Variants in SPINK1 observed in about 807,000 individuals in gnomAD.
SPINK1 encodes the protein serine protease inhibitor Kazal-type 1.
In SPINK1, 5 loss-of-function variants were observed where a neutral mutation model predicts 9.5. That is an observed-to-expected ratio of 0.52 (90% CI 0.27 to 1.10). SPINK1 has a LOEUF of 1.10. Ranked by LOEUF, SPINK1 falls within the 50% of genes least tolerant of loss-of-function variation. SPINK1 has a pLI of 0.11. For missense variants in SPINK1, 88 were observed against 92.7 expected, an observed-to-expected ratio of 0.95 and a Z score of 0.21; for synonymous variants, 37 against 32.3, an observed-to-expected ratio of 1.14 and a Z score of -0.49.
chr5:147,824,751 A>T (rs150745269), intron 3 of SPINK1, 45 bp from the exon 4 acceptor site: 1 of 1,576,928 alleles, frequency 6.3e-7, no homozygotes, highest in East Asian at 2.2e-5. Context: ...AACTTCACTG[A>T]TGAAAAAGTG....
chr5:147,824,989 A>T (rs1282250444), intron 3 of SPINK1, among the ~76,000 whole-genome samples: 5 of 152,164 alleles, frequency 3.3e-5, no homozygotes, highest in African/African-American at 1.2e-4. Context: ...GAACCCCTGA[A>T]ATTAAACTCA....
At chr5:147,833,022 G>C (rs147957808), upstream of SPINK1, among the ~76,000 whole-genome samples, 357 of 152,290 alleles carry the variant, frequency 2.3e-3, 1 homozygote, top group African/African-American at 8.3e-3. Context: ...AAGGGTGCTG[G>C]AGGGTTAAGG....
At chr5:147,834,221 CTAAA>C (rs1756557064), upstream of SPINK1, among the ~76,000 whole-genome samples, 1 of 152,144 alleles carries the variant, frequency 6.6e-6, no homozygotes, top group East Asian at 1.9e-4. Context: ...ATAGTTGATA[CTAAA>C]TAAATATTTG....
upstream of SPINK1, among the ~76,000 whole-genome samples, chr5:147,832,844 T>C (rs990033995): frequency 4.6e-5 from 7 of 152,190 alleles, no homozygotes; most frequent in African/African-American, 1.7e-4. Flanking sequence ...TCCCAAGTCA[T>C]GACAAGAACT....
At chr5:147,824,777 CAG>C (rs757377598) in intron 3 of SPINK1, 71 bp from the exon 4 acceptor site, 256 of 1,380,482 alleles carry the variant, frequency 1.9e-4, no homozygotes, top group Admixed American at 6.5e-4. Flanking sequence ...GGGAGAAAAA[CAG>C]GGGGAAAAAT....
chr5:147,835,121 A>AT (rs1051534428), upstream of SPINK1, among the ~76,000 whole-genome samples: 7 of 152,224 alleles, frequency 4.6e-5, no homozygotes, highest in East Asian at 1.9e-4. Context: ...GTTAAAGAGG[A>AT]TAAAAAAAAC....
chr5:147,839,027 C>T, the SPINK1 span, among the ~76,000 whole-genome samples: 1 of 152,276 alleles, frequency 6.6e-6, no homozygotes, highest in South Asian at 2.1e-4. Flanking sequence ...GATTAGTCTG[C>T]TCTCATACTG....
intron 3 of SPINK1, chr5:147,827,088 T>C (rs781768118): frequency 2.6e-5 from 4 of 152,168 alleles, no homozygotes; most frequent in Non-Finnish European, 5.9e-5. Flanking sequence ...TTTTTTCCTT[T>C]TTTTTAAGAT....
the SPINK1 span, among the ~76,000 whole-genome samples, chr5:147,837,073 C>A: frequency 2.6e-5 from 4 of 152,162 alleles, no homozygotes; most frequent in Admixed American, 6.5e-5. Context: ...TATTTATGAC[C>A]CTCAATTTTC....
At chr5:147,838,414 C>T in the SPINK1 span, among the ~76,000 whole-genome samples, 4 of 152,108 alleles carry the variant, frequency 2.6e-5, no homozygotes, top group Non-Finnish European at 4.4e-5. Context: ...ATCATAAAAA[C>T]AATTTCAGTA....
upstream of SPINK1, among the ~76,000 whole-genome samples, chr5:147,833,147 G>A (rs1408281826): frequency 6.6e-6 from 1 of 152,142 alleles, no homozygotes; most frequent in African/African-American, 2.4e-5. Context: ...GTGCATTCCA[G>A]ACAGAGAGAA....
intron 3 of SPINK1, chr5:147,827,040 A>G (rs1203837468): frequency 6.6e-6 from 1 of 152,112 alleles, no homozygotes; most frequent in East Asian, 1.9e-4. Flanking sequence ...TGATATTGCC[A>G]AAATTCAGAA....
chr5:147,833,024 G>T (rs1379251163), upstream of SPINK1, among the ~76,000 whole-genome samples: 1 of 152,162 alleles, frequency 6.6e-6, no homozygotes, highest in East Asian at 1.9e-4. Flanking sequence ...GGGTGCTGGA[G>T]GGTTAAGGAG....
chr5:147,829,270 CTG>C (rs1458798708), intron 2 of SPINK1, among the ~76,000 whole-genome samples: 1 of 152,162 alleles, frequency 6.6e-6, no homozygotes, highest in Non-Finnish European at 1.5e-5. Context: ...GTCAAACTGG[CTG>C]TAAGGAGGAA....
chr5:147,837,309 A>G, the SPINK1 span, among the ~76,000 whole-genome samples: 2 of 152,196 alleles, frequency 1.3e-5, no homozygotes, highest in Non-Finnish European at 2.9e-5. Flanking sequence ...GAGTTACAAA[A>G]TGAAACAAAA....
chr5:147,836,477 A>G (rs1324432070), upstream of SPINK1, among the ~76,000 whole-genome samples: 1 of 152,018 alleles, frequency 6.6e-6, no homozygotes, highest in African/African-American at 2.4e-5. Flanking sequence ...TTAAACTGGA[A>G]ATTCTAATTT....
rs113527737 is a variant in SPINK1 at position 147,824,610 on chromosome 5, A to G, written c.*51T>C. 2.0e-3 allele frequency: 3,120 copies of G among 1,563,590 alleles called. 45 individuals carry two copies. In the African/African-American group the frequency reaches 0.033, roughly 17 times the overall value. On this transcript the variant is annotated 3_prime_UTR_variant, in exon 4 of 4. Coordinates refer to ENST00000296695, the MANE Select transcript of SPINK1 (RefSeq NM_001379610.1). ...TATTCAGATACATTTATTCAACAAT[A>G]AGGCCAGTCAGGCCTCGCGGTGACC...
the SPINK1 span, among the ~76,000 whole-genome samples, chr5:147,836,767 G>A: frequency 7.7e-3 from 1,177 of 152,278 alleles, 18 homozygotes; most frequent in African/African-American, 0.027. Flanking sequence ...ACTTACAAAT[G>A]TATGTTACTC....
intron 3 of SPINK1, chr5:147,827,722 A>T: frequency 3.9e-6 from 1 of 254,156 alleles, no homozygotes; most frequent in East Asian, 9.1e-5. Context: ...GAGGGCTTTA[A>T]AAAACACAAT....
Sources: allele counts gnomAD v4.1 joint callset (sites outside exome capture counted in the v4.1 genomes callset), GRCh38; gene constraint gnomAD v4.1.1; transcripts MANE v1.5; gene names NCBI Gene and HGNC (gene_info 2026-07-23, HGNC 2026-07-21).